The following KLB variants were observed in gnomAD, a reference collection of about 807,000 sequenced individuals.
The protein encoded by KLB is klotho beta, also known as beta-klotho.
In KLB, 44 loss-of-function variants were observed where a neutral mutation model predicts 88.4. The ratio of observed to expected loss-of-function variants is 0.50; its 90% CI spans 0.39 to 0.64. KLB has a LOEUF of 0.64. Among genes scored for constraint, KLB ranks in the 30% least tolerant of loss-of-function variants. The pLI is 0.00. For missense variants in KLB, 1,137 were observed against 1,304.8 expected, an observed-to-expected ratio of 0.87 and a Z score of 1.98; for synonymous variants, 548 against 513.4, an observed-to-expected ratio of 1.07 and a Z score of -0.91.
rs1254520881 is a variant in KLB at position 39,445,887 on chromosome 4, C to A, written c.1606-445C>A. On this transcript the variant is annotated intron_variant, in intron 3 of 4. Coordinates refer to ENST00000257408, the MANE Select transcript of KLB (RefSeq NM_175737.4). ...AAGCAAGGGGTCATTGCCTACCCCA[C>A]CGCACCAGCCTTTTTAAGGAATTGT... 2.0e-5 allele frequency among the ~76,000 whole-genome samples: 3 copies of A among 152,114 alleles called. No individual in the cohort carries two copies. In the East Asian group the frequency reaches 5.8e-4, roughly 29 times the overall value.
chr4:39,420,005 C>T (rs1433738200), intron 1 of KLB, among the ~76,000 whole-genome samples: 1 of 145,440 alleles, frequency 6.9e-6, no homozygotes, highest in Non-Finnish European at 1.5e-5. Context: ...AACTACTGAA[C>T]ATTAACAACA....
At chr4:39,441,592 G>A (rs1204134529) in intron 3 of KLB, 3 of 152,062 alleles carry the variant, frequency 2.0e-5, no homozygotes, top group African/African-American at 4.8e-5. Flanking sequence ...TCAGGTCTGG[G>A]TTTCATACTC....
rs368301363 is a variant in KLB, at chr4:39,433,851, C to T, written c.826-359C>T. Among the ~76,000 whole-genome samples, 174 of 152,180 alleles carry T rather than the reference C, an allele frequency of 1.1e-3. 1 individual carries two copies. The highest frequency in any genetic ancestry group is 4.1e-3 in the African/African-American group (170 of 41,526). ...CTCCAGCCTAGGCGACAGAGAAAGA[C>T]TCTGTCTCAAAATAAAATAAAAATA... is the stretch of plus-strand genomic sequence containing the variant. On this transcript the variant is annotated intron_variant, in intron 1 of 4. Transcript: ENST00000257408.
In KLB at chr4:39,434,293, T is replaced by A; in HGVS notation, c.909T>A (p.His303Gln). ...KGWLSITLGS[H>Q]WIEPNRSENT... The stretch of plus-strand genomic sequence containing the variant: ...GGTTATCGATCACGTTGGGATCTCA[T>A]TGGATCGAGCCAAACCGGTCGGAAA... Residue 303 changes from histidine to glutamine, a missense_variant, in exon 2 of 5, where the codon CAT (histidine) becomes CAA (glutamine). His to Gln is a conservative substitution (Grantham distance 24). Coordinates refer to ENST00000257408, the MANE Select transcript of KLB (RefSeq NM_175737.4). The A allele has an allele frequency of 1.2e-6, 2 of 1,614,208 alleles. No homozygotes were observed. Among genetic ancestry groups the A allele is most frequent in the Non-Finnish European group, 1.7e-6 (2 of 1,180,022 alleles).
intron 1 of KLB, among the ~76,000 whole-genome samples, chr4:39,408,210 ATAAG>A (rs1259961618): frequency 2.6e-5 from 4 of 152,214 alleles, no homozygotes; most frequent in Admixed American, 2.0e-4. Flanking sequence ...AAGTAAGTAA[ATAAG>A]TAAGCCAAAT....
In KLB at chr4:39,434,389, T is replaced by C. The variant is rs778732384; in HGVS notation, c.1005T>C (p.His335=). The change falls in exon 2 of 5, where the codon CAT becomes CAC. Residue 335 remains histidine (H), a synonymous_variant. Transcript: ENST00000257408. The part of the protein sequence containing the change: ...SVLGWFANPI[H]GDGDYPEGMR... ...TTGGATGGTTTGCCAACCCTATCCA[T>C]GGGGATGGCGACTATCCAGAGGGGA... 1.9e-6 allele frequency: 3 copies of C among 1,614,138 alleles called. No individual in the cohort carries two copies. Among genetic ancestry groups the C allele is most frequent in the South Asian group, 2.2e-5 (2 of 91,070 alleles).
At position 39,437,748 on chromosome 4, in the gene KLB, G is replaced by A. The variant is rs114758729; in HGVS notation, c.1358G>A (p.Arg453Gln). 80 of 1,611,940 alleles carry A rather than the reference G, an allele frequency of 5.0e-5. No homozygotes were observed. In the African/African-American group the frequency reaches 7.5e-4, roughly 15 times the overall value. The change falls in exon 3 of 5, where the codon CGA (arginine) becomes CAA (glutamine). Residue 453 changes from arginine to glutamine, a missense_variant. Transcript: ENST00000257408. ...GCAGCAATAAGGTTAGATGAAATACGAGTGTTTGGTTATACTGCCTGGTCT... is the reference window on the plus strand; with the variant it reads ...GCAGCAATAAGGTTAGATGAAATACAAGTGTTTGGTTATACTGCCTGGTCT... ...VLQAIRLDEI[R>Q]VFGYTAWSLL... is the part of the protein sequence containing the mutation.
At chr4:39,411,307 GT>G (rs755671787) in intron 1 of KLB, among the ~76,000 whole-genome samples, 2 of 128,804 alleles carry the variant, frequency 1.6e-5, no homozygotes, top group East Asian at 2.4e-4. Flanking sequence ...CAAAACTAAG[GT>G]TTTTTTTGTT....
Position 39,447,331 on chromosome 4 carries a change from G to A in KLB, c.2605G>A (p.Val869Met). Residue 869 changes from valine to methionine, a missense_variant, in exon 4 of 5, where the codon GTG becomes ATG. By Grantham distance (21) the Val-to-Met change is conservative (BLOSUM62 1). Coordinates refer to ENST00000257408, the MANE Select transcript of KLB (RefSeq NM_175737.4). ...GCGCCTGGCTGTGATTCCCTGGGGG[G>A]TGCGCAAGCTGCTGCGGTGGGTCCG... is the stretch of plus-strand genomic sequence containing the variant. The part of the protein sequence containing the change: ...PTRLAVIPWG[V>M]RKLLRWVRRN... 2 of 1,614,164 alleles carry A rather than the reference G, an allele frequency of 1.2e-6. No individual in the cohort carries two copies. The highest frequency in any genetic ancestry group is 1.7e-6 in the Non-Finnish European group (2 of 1,180,032).
intron 1 of KLB, among the ~76,000 whole-genome samples, chr4:39,413,969 TGGA>T (rs1186766111): frequency 6.6e-6 from 1 of 152,154 alleles, no homozygotes; most frequent in Non-Finnish European, 1.5e-5. Flanking sequence ...TCCTGTGCAA[TGGA>T]GGAGTTCAGC....
chr4:39,408,326 T>C (rs942999060), intron 1 of KLB, among the ~76,000 whole-genome samples: 1 of 152,208 alleles, frequency 6.6e-6, no homozygotes, highest in Non-Finnish European at 1.5e-5. Flanking sequence ...TTAATTGTTA[T>C]GGGAGCTAAA....
chr4:39,421,111 A>G (rs1049318659), intron 1 of KLB, among the ~76,000 whole-genome samples: 2 of 152,114 alleles, frequency 1.3e-5, no homozygotes, highest in African/African-American at 2.4e-5. Context: ...ACTCATTTCC[A>G]TATTTTTTTC....
chr4:39,407,049 G>A lies in KLB; in HGVS notation c.100G>A (p.Gly34Arg), dbSNP rs748780456. ...TRYRNTMSNGGLQRSVILSAL... is the reference protein window; with the variant it reads ...TRYRNTMSNGRLQRSVILSAL... Reference sequence around the variant, plus strand: ...CTATAGGAATACAATGTCCAACGGGGGATTGCAAAGATCTGTCATCCTGTC... The same window carrying A: ...CTATAGGAATACAATGTCCAACGGGAGATTGCAAAGATCTGTCATCCTGTC... Residue 34 changes from glycine to arginine, a missense_variant, in exon 1 of 5, where the codon GGA becomes AGA. By Grantham distance (125) the Gly-to-Arg change is moderately radical. Around this residue, in one of 4 missense-constraint regions of KLB, gnomAD observed 111 missense variants for 118.3 expected, o/e 0.94. Coordinates refer to ENST00000257408, the MANE Select transcript of KLB (RefSeq NM_175737.4). 4 of 1,613,842 alleles carry A rather than the reference G, an allele frequency of 2.5e-6. No individual in the cohort carries two copies. The highest frequency in any genetic ancestry group is 2.7e-5 in the African/African-American group (2 of 74,902).
At chr4:39,427,351 C>T (rs1403638630) in intron 1 of KLB, among the ~76,000 whole-genome samples, 1 of 151,920 alleles carries the variant, frequency 6.6e-6, no homozygotes, top group East Asian at 1.9e-4. Context: ...GGCGTGGTGG[C>T]AGGTACCTGT....
intron 1 of KLB, among the ~76,000 whole-genome samples, chr4:39,424,440 A>G (rs1320343695): frequency 6.6e-6 from 1 of 151,552 alleles, no homozygotes; most frequent in Non-Finnish European, 1.5e-5. Context: ...AGAACTGCTC[A>G]CCTAGAAATG....
chr4:39,414,931 G>A (rs550126622), intron 1 of KLB, among the ~76,000 whole-genome samples: 15 of 150,584 alleles, frequency 1.0e-4, no homozygotes, highest in East Asian at 1.9e-4. Flanking sequence ...TATAAGCAAC[G>A]TTTATCCATT....
intron 1 of KLB, among the ~76,000 whole-genome samples, chr4:39,431,355 G>T (rs765516343): frequency 1.3e-5 from 2 of 152,144 alleles, no homozygotes; most frequent in South Asian, 4.1e-4. Context: ...GGGTTCAAGC[G>T]ATTCTCCTGC....
intron 1 of KLB, among the ~76,000 whole-genome samples, chr4:39,409,577 C>T (rs1223136127): frequency 6.6e-6 from 1 of 151,666 alleles, no homozygotes; most frequent in East Asian, 2.0e-4. Context: ...GTGTGAGCCA[C>T]TGCGCTCAGC....
At chr4:39,437,389 G>A (rs939435298) in intron 2 of KLB, among the ~76,000 whole-genome samples, 1 of 152,148 alleles carries the variant, frequency 6.6e-6, no homozygotes, top group Non-Finnish European at 1.5e-5. Context: ...TTGGTCATGA[G>A]CACACATATG....
Sources: allele counts gnomAD v4.1 joint callset (sites outside exome capture counted in the v4.1 genomes callset), GRCh38; gene constraint gnomAD v4.1.1; regional missense constraint gnomAD v4.1.1; transcripts MANE v1.5; gene names NCBI Gene and HGNC (gene_info 2026-07-23, HGNC 2026-07-21).